SYCP2: variants seen among roughly 807,000 people sequenced by gnomAD.
SYCP2 encodes synaptonemal complex lateral element protein.
In SYCP2, 55 loss-of-function variants were observed where a neutral mutation model predicts 211.3. The observed-to-expected ratio is 0.26, with a 90% CI of 0.21 to 0.33. The LOEUF (loss-of-function observed/expected upper bound fraction) is 0.33. Among genes scored for constraint, SYCP2 ranks in the 10% least tolerant of loss-of-function variants. The probability of loss-of-function intolerance (pLI) is 1.00; values close to 1 mark genes in which losing one functional copy is unlikely to be tolerated. For missense variants in SYCP2, 1,731 were observed against 1,752.0 expected (o/e 0.99, Z 0.21); for synonymous variants, 570 against 555.2 (o/e 1.03, Z -0.37).
chr20:59,880,927 T>C (rs1008680596), intron 30 of SYCP2, 39 bp downstream of exon 30: 7 of 920,630 alleles, frequency 7.6e-6, no homozygotes, highest in South Asian at 4.2e-5. Context: ...TTAAGAGAAA[T>C]ACTACTTCTA....
intron 34 of SYCP2, among the ~76,000 whole-genome samples, chr20:59,874,557 T>C (rs965835823): frequency 6.6e-6 from 1 of 152,072 alleles, no homozygotes; most frequent in Non-Finnish European, 1.5e-5. Context: ...ATCTCCTGAG[T>C]ATGCGCTTAT....
chr20:59,931,884 T>G (rs918730621), intron 2 of SYCP2, among the ~76,000 whole-genome samples, 178 bp downstream of exon 2: 9 of 152,100 alleles, frequency 5.9e-5, no homozygotes, highest in African/African-American at 1.9e-4. Context: ...TCAAACAAGT[T>G]AACATTTGCA....
In SYCP2 at chr20:59,868,547, C is replaced by T. The variant is rs148819194; in HGVS notation, c.3854G>A (p.Arg1285His). ...ATTATCTTCTATATATATTCTTTTGCGACTAAGATGTTGGGTGGGGCCTTA... is the reference window on the plus strand; with the variant it reads ...ATTATCTTCTATATATATTCTTTTGTGACTAAGATGTTGGGTGGGGCCTTA... ...HVSGPTQHLS[R>H]KRIYIEDNLS... The change falls in exon 38 of 45, where the codon CGC (arginine) becomes CAC (histidine). Residue 1285 changes from arginine to histidine, a missense_variant. By Grantham distance (29) the Arg-to-His change is conservative. This residue lies in a region of SYCP2 where 1,387 missense variants were observed against 1,351.3 expected (regional missense o/e 1.03). Transcript: ENST00000357552. The T allele has an allele frequency of 8.0e-5, 128 of 1,602,712 alleles. No individual in the cohort carries two copies. The African/African-American group carries it at 8.8e-4, about 11-fold the overall frequency.
intron 2 of SYCP2, among the ~76,000 whole-genome samples, chr20:59,922,894 G>C (rs2060567666): frequency 6.6e-6 from 1 of 151,740 alleles, no homozygotes; most frequent in African/African-American, 2.4e-5. Flanking sequence ...ACAATGAACA[G>C]GATCAAAATA....
At chr20:59,895,412 T>A in intron 20 of SYCP2, 25 bp downstream of exon 20, 1 of 1,557,984 alleles carries the variant, frequency 6.4e-7, no homozygotes, top group Non-Finnish European at 8.7e-7. Context: ...AAAATATTTT[T>A]AAAATACTTT....
At chr20:59,886,927 C>G (rs972687001) in intron 24 of SYCP2, 93 bp from the exon 25 acceptor site, 1 of 923,576 alleles carries the variant, frequency 1.1e-6, no homozygotes, top group Non-Finnish European at 1.6e-6. Flanking sequence ...AAATCTGGTT[C>G]TATTTATACC....
Position 59,913,999 on chromosome 20 carries a change from T to C in SYCP2, c.806A>G (p.Asn269Ser). Reference protein sequence around the residue: ...TDCRIFLNLVNGMLGDKRRVF... With the variant: ...TDCRIFLNLVSGMLGDKRRVF... ...CCTTCTTTTGTCTCCAAGCATGCCATTTACAAGGTTGAGAAATATCCTGCA... is the reference window on the plus strand; with the variant it reads ...CCTTCTTTTGTCTCCAAGCATGCCACTTACAAGGTTGAGAAATATCCTGCA... The change falls in exon 12 of 45, where the codon AAT becomes AGT. Residue 269 changes from asparagine to serine, a missense_variant. This residue lies in a region of SYCP2 where 335 missense variants were observed against 378.8 expected (regional missense o/e 0.88). Transcript: ENST00000357552. 1 of 1,599,914 alleles carries C rather than the reference T, an allele frequency of 6.3e-7. No homozygotes were observed. The highest frequency in any genetic ancestry group is 8.5e-7 in the Non-Finnish European group (1 of 1,174,034).
At chr20:59,904,108 A>T (rs2060168606) in intron 15 of SYCP2, among the ~76,000 whole-genome samples, 1 of 152,134 alleles carries the variant, frequency 6.6e-6, no homozygotes, top group Admixed American at 6.6e-5. Flanking sequence ...CAAATAGGAC[A>T]CTTAAAAGCT....
At chr20:59,911,928 G>T in intron 13 of SYCP2, 83 bp from the exon 14 acceptor site, 1 of 555,482 alleles carries the variant, frequency 1.8e-6, no homozygotes, top group Non-Finnish European at 3.0e-6. Context: ...CATGGCTAAA[G>T]CAAGAAAACA....
chr20:59,916,114 T>C (rs1481137360), intron 8 of SYCP2, among the ~76,000 whole-genome samples: 1 of 152,168 alleles, frequency 6.6e-6, no homozygotes, highest in African/African-American at 2.4e-5. Flanking sequence ...GCAATAAAAC[T>C]TGTATTTATT....
intron 39 of SYCP2, among the ~76,000 whole-genome samples, chr20:59,867,470 A>T (rs1322948622): frequency 6.6e-6 from 1 of 150,846 alleles, no homozygotes; most frequent in African/African-American, 2.4e-5. Context: ...AAAAAAAAAA[A>T]TCACAGAAAA....
At chr20:59,888,478 A>G (rs1007365065) in intron 24 of SYCP2, among the ~76,000 whole-genome samples, 2 of 152,070 alleles carry the variant, frequency 1.3e-5, no homozygotes, top group African/African-American at 4.8e-5. Flanking sequence ...TTAGCAAACT[A>G]GGAATAAATG....
intron 25 of SYCP2, 131 bp from the exon 26 acceptor site, chr20:59,886,095 TAGTC>T (rs2059782628): frequency 3.1e-6 from 2 of 652,880 alleles, no homozygotes; most frequent in African/African-American, 3.8e-5. Flanking sequence ...GTAACAGTAA[TAGTC>T]TGATAGTTTT....
chr20:59,903,773 C>G (rs909453089), intron 15 of SYCP2, among the ~76,000 whole-genome samples: 3 of 152,016 alleles, frequency 2.0e-5, no homozygotes, highest in African/African-American at 7.2e-5. Context: ...ATTTAAATAG[C>G]AGCTGTTAGA....
At chr20:59,885,373 G>A (rs184617424) in intron 26 of SYCP2, among the ~76,000 whole-genome samples, 83 of 152,180 alleles carry the variant, frequency 5.5e-4, no homozygotes, top group African/African-American at 1.9e-3. Context: ...AAAACCTATT[G>A]TAACAATCCA....
At position 59,864,392 on chromosome 20, in the gene SYCP2, T is replaced by C; in HGVS notation, c.4516-4A>G. On this transcript the variant is annotated splice_polypyrimidine_tract_variant and splice_region_variant and intron_variant, in intron 44 of 44. Coordinates refer to ENST00000357552, the MANE Select transcript of SYCP2 (RefSeq NM_014258.4). Reference sequence around the variant, plus strand: ...CATTAAGAAGCTCCTCTTCTAGCTATAGCCAAGAAAAAAAAAATCACACTT... The same window carrying C: ...CATTAAGAAGCTCCTCTTCTAGCTACAGCCAAGAAAAAAAAAATCACACTT... 6.3e-7 allele frequency: 1 copy of C among 1,577,874 alleles called. No homozygotes were observed. The highest frequency in any genetic ancestry group is 1.2e-5 in the South Asian group (1 of 85,346).
chr20:59,888,353 G>A (rs558220141), intron 24 of SYCP2, among the ~76,000 whole-genome samples: 1 of 152,068 alleles, frequency 6.6e-6, no homozygotes, highest in East Asian at 1.9e-4. Flanking sequence ...TTCAACATTT[G>A]AAAATTAATG....
At chr20:59,871,232 T>C (rs2145613351) in intron 35 of SYCP2, among the ~76,000 whole-genome samples, 1 of 151,962 alleles carries the variant, frequency 6.6e-6, no homozygotes, top group African/African-American at 2.4e-5. Flanking sequence ...CATGTGAAAA[T>C]ACTCATTGAT....
intron 31 of SYCP2, 64 bp downstream of exon 31, chr20:59,880,238 AT>A: frequency 1.5e-6 from 2 of 1,298,124 alleles, no homozygotes; most frequent in Non-Finnish European, 2.2e-6. Flanking sequence ...TATATAAAGC[AT>A]TTTCAATAAT....
Sources: gnomAD v4.1 joint callset for allele counts (sites outside exome capture counted in the v4.1 genomes callset) on GRCh38, gnomAD v4.1.1 for gene constraint, gnomAD v4.1.1 regional missense constraint, MANE v1.5 for transcripts, NCBI Gene and HGNC (gene_info 2026-07-23, HGNC 2026-07-21) for gene names.